The following NSMCE2 variants were observed in gnomAD, a reference collection of about 807,000 sequenced individuals.
The protein encoded by NSMCE2 is E3 SUMO-protein ligase NSE2.
In NSMCE2, 24 loss-of-function variants were observed where a neutral mutation model predicts 23.8. That is an observed-to-expected ratio of 1.01 (90% confidence interval 0.73 to 1.42). The LOEUF is 1.42. Ranked by LOEUF, NSMCE2 falls within the 40% of genes most tolerant of loss-of-function variation. The pLI is 0.00. For missense variants in NSMCE2, 284 were observed against 296.5 expected (o/e 0.96, Z 0.31); for synonymous variants, 92 against 94.1 (o/e 0.98, Z 0.13).
intron 5 of NSMCE2, among the ~76,000 whole-genome samples, chr8:125,258,189 A>G (rs1826524552): frequency 6.6e-6 from 1 of 152,178 alleles, no homozygotes; most frequent in Non-Finnish European, 1.5e-5. Flanking sequence ...AAGCTGATGG[A>G]CTTAATTTTT....
At chr8:125,358,200 G>GTA (rs1431325035) in intron 7 of NSMCE2, among the ~76,000 whole-genome samples, 1 of 151,964 alleles carries the variant, frequency 6.6e-6, no homozygotes, top group Admixed American at 6.6e-5. Context: ...AGGCTTGGTG[G>GTA]CAGGTGCCTG....
chr8:125,255,165 T>G (rs1826352933), intron 5 of NSMCE2, among the ~76,000 whole-genome samples: 1 of 151,996 alleles, frequency 6.6e-6, no homozygotes, highest in African/African-American at 2.4e-5. Flanking sequence ...TGAGCCATCT[T>G]GGAGGTGGAT....
chr8:125,271,141 A>G (rs977613817), intron 5 of NSMCE2, among the ~76,000 whole-genome samples: 2 of 151,904 alleles, frequency 1.3e-5, no homozygotes, highest in Non-Finnish European at 2.9e-5. Context: ...CGCACCTATA[A>G]TCCCAGCTAC....
intron 5 of NSMCE2, among the ~76,000 whole-genome samples, chr8:125,250,031 C>G (rs144909437): frequency 1.3e-5 from 2 of 152,020 alleles, no homozygotes; most frequent in Non-Finnish European, 2.9e-5. Flanking sequence ...CTCTTGTTGC[C>G]CAGGCTGGAG....
chr8:125,246,519 A>G (rs1825969979), intron 5 of NSMCE2, among the ~76,000 whole-genome samples: 1 of 152,120 alleles, frequency 6.6e-6, no homozygotes, highest in Non-Finnish European at 1.5e-5. Context: ...TGAGCTTCAA[A>G]TGGCTAACAA....
At chr8:125,259,974 G>A (rs1826618389) in intron 5 of NSMCE2, among the ~76,000 whole-genome samples, 1 of 152,200 alleles carries the variant, frequency 6.6e-6, no homozygotes, top group African/African-American at 2.4e-5. Context: ...TCTTATAGAT[G>A]AAGCAACCGA....
chr8:125,107,651 T>A (rs1348438896), intron 3 of NSMCE2, among the ~76,000 whole-genome samples: 1 of 152,108 alleles, frequency 6.6e-6, no homozygotes, highest in Non-Finnish European at 1.5e-5. Context: ...GCACCATTAG[T>A]ACAAACATTC....
At position 125,332,152 on chromosome 8, in the gene NSMCE2, C is replaced by T. The variant is rs73336862; in HGVS notation, c.419-25067C>T. On this transcript the variant is annotated intron_variant, in intron 5 of 7. Coordinates refer to ENST00000287437, the MANE Select transcript of NSMCE2 (RefSeq NM_173685.4). Reference sequence around the variant, plus strand: ...TCTAAATTTTATTTATTATCCTCTTCCCATTTGAATAAATTCTCCTAAATA... The same window carrying T: ...TCTAAATTTTATTTATTATCCTCTTTCCATTTGAATAAATTCTCCTAAATA... 7.3e-3 allele frequency among the ~76,000 whole-genome samples: 1,114 copies of T among 152,302 alleles called. 12 individuals carry two copies. Among genetic ancestry groups the T allele is most frequent in the African/African-American group, 0.026 (1,079 of 41,558 alleles).
chr8:125,201,230 T>G (rs1321889443), intron 5 of NSMCE2, among the ~76,000 whole-genome samples: 2 of 152,264 alleles, frequency 1.3e-5, no homozygotes, highest in Admixed American at 6.5e-5. Flanking sequence ...GGAGCTGTGA[T>G]CCGTTGGAGG....
At chr8:125,347,149 A>G (rs1047542543) in intron 5 of NSMCE2, among the ~76,000 whole-genome samples, 2 of 152,240 alleles carry the variant, frequency 1.3e-5, no homozygotes, top group Non-Finnish European at 2.9e-5. Flanking sequence ...AGCACTATGA[A>G]GTAAGTACCA....
At chr8:125,311,694 A>G (rs1828977615) in intron 5 of NSMCE2, among the ~76,000 whole-genome samples, 1 of 152,230 alleles carries the variant, frequency 6.6e-6, no homozygotes, top group Non-Finnish European at 1.5e-5. Context: ...AGAAATCTGA[A>G]GAATGTAATG....
rs140419944 is a variant in NSMCE2 at position 125,102,469 on chromosome 8, G to A, written c.139G>A (p.Asp47Asn). The change falls in exon 3 of 8, where the codon GAT (aspartate) becomes AAT (asparagine). Residue 47 changes from aspartate (D) to asparagine (N), a missense_variant. Asp to Asn is a conservative substitution (Grantham distance 23). This residue lies in a region of NSMCE2 where 182 missense variants were observed against 155.5 expected (regional missense o/e 1.17). Transcript: ENST00000287437. ...GMDTASSVAL[D>N]LVESQTEVSS... Reference sequence around the variant, plus strand: ...GGACACAGCTTCTAGTGTTGCTTTGGATCTTGTGGAAAGTCAGAGTAAGTA... The same window carrying A: ...GGACACAGCTTCTAGTGTTGCTTTGAATCTTGTGGAAAGTCAGAGTAAGTA... 6.2e-7 allele frequency: 1 copy of A among 1,613,748 alleles called. No homozygotes were observed. The highest frequency in any genetic ancestry group is 8.5e-7 in the Non-Finnish European group (1 of 1,179,852).
chr8:125,181,046 C>A (rs1406086093), intron 4 of NSMCE2, among the ~76,000 whole-genome samples: 1 of 152,072 alleles, frequency 6.6e-6, no homozygotes, highest in Non-Finnish European at 1.5e-5. Context: ...GTGAGTTTTG[C>A]TTGGCAGCAG....
intron 5 of NSMCE2, among the ~76,000 whole-genome samples, chr8:125,329,983 C>T (rs60712783): frequency 6.6e-6 from 1 of 151,878 alleles, no homozygotes; most frequent in Non-Finnish European, 1.5e-5. Flanking sequence ...CCGAAAGAAC[C>T]ATCATTACCT....
At chr8:125,203,199 A>G (rs1486559072) in intron 5 of NSMCE2, among the ~76,000 whole-genome samples, 1 of 152,126 alleles carries the variant, frequency 6.6e-6, no homozygotes, top group Admixed American at 6.5e-5. Flanking sequence ...CTTTAAAAAA[A>G]AAAAAAATCA....
At chr8:125,111,202 G>C (rs752954735) in intron 3 of NSMCE2, among the ~76,000 whole-genome samples, 6 of 152,144 alleles carry the variant, frequency 3.9e-5, no homozygotes, top group East Asian at 1.9e-4. Context: ...CAGAGTTCAT[G>C]ATGAGTAAAA....
At chr8:125,292,229 A>AG (rs1828137925) in intron 5 of NSMCE2, among the ~76,000 whole-genome samples, 1 of 151,994 alleles carries the variant, frequency 6.6e-6, no homozygotes, top group Admixed American at 6.6e-5. Context: ...GGAAAAAAAA[A>AG]AAAGGAGAAG....
At chr8:125,342,340 G>T (rs749466259) in intron 5 of NSMCE2, among the ~76,000 whole-genome samples, 1 of 152,214 alleles carries the variant, frequency 6.6e-6, no homozygotes, top group Non-Finnish European at 1.5e-5. Flanking sequence ...GAAGGAGGAA[G>T]TTTGAAAAGT....
chr8:125,125,332 G>T (rs1185942613), intron 3 of NSMCE2, among the ~76,000 whole-genome samples: 2 of 152,138 alleles, frequency 1.3e-5, no homozygotes, highest in African/African-American at 4.8e-5. Flanking sequence ...GCCTTCTAAC[G>T]CCCTTTATTG....
Sources: gnomAD v4.1 joint callset for allele counts (sites outside exome capture counted in the v4.1 genomes callset) on GRCh38, gnomAD v4.1.1 for gene constraint, gnomAD v4.1.1 regional missense constraint, MANE v1.5 for transcripts, NCBI Gene and HGNC (gene_info 2026-07-23, HGNC 2026-07-21) for gene names.